The following PRKG1 variants were observed in gnomAD, a reference collection of about 807,000 sequenced individuals.
The protein encoded by PRKG1 is protein kinase cGMP-dependent 1.
In PRKG1, 35 loss-of-function variants were observed where a neutral mutation model predicts 88.1. The ratio of observed to expected loss-of-function variants is 0.40; its 90% CI spans 0.30 to 0.53. The LOEUF (loss-of-function observed/expected upper bound fraction) is 0.53. Among genes scored for constraint, PRKG1 ranks in the 20% least tolerant of loss-of-function variants. PRKG1 has a pLI of 0.59. For missense variants in PRKG1, 540 were observed against 839.8 expected (o/e 0.64, Z 4.41); for synonymous variants, 303 against 292.5 (o/e 1.04, Z -0.37).
chr10:51,607,159 C>CG (rs1381354516), intron 3 of PRKG1, among the ~76,000 whole-genome samples: 1 of 152,202 alleles, frequency 6.6e-6, no homozygotes, highest in Non-Finnish European at 1.5e-5. Context: ...AGTAGACTCT[C>CG]ACTGAGAGGC....
intron 9 of PRKG1, among the ~76,000 whole-genome samples, chr10:52,218,068 T>C (rs1840154896): frequency 6.6e-6 from 1 of 151,660 alleles, no homozygotes; most frequent in Non-Finnish European, 1.5e-5. Context: ...AAAAATTAGC[T>C]GGGCGTGGTG....
rs71032621 is a variant in PRKG1 at position 52,068,202 on chromosome 10, C to CAAAAAA, written c.935+5591_935+5596dup. ...TGGGCGACAGAGCGAAACTCCGTCT[C>CAAAAAA]AAAAAAAAAAAAAAAAAAAAAAAAA... On this transcript the variant is annotated intron_variant, in intron 7 of 17. Transcript: ENST00000373980. 1.5e-3 allele frequency among the ~76,000 whole-genome samples: 60 copies of CAAAAAA among 38,836 alleles called. 1 individual carries two copies. Among genetic ancestry groups the CAAAAAA allele is most frequent in the East Asian group, 2.4e-3 (2 of 846 alleles). 25.5% of individuals were successfully genotyped at this position (38,836 alleles called of 152,430 possible). A position where few individuals can be genotyped will look rare whatever the true frequency, so the allele number is the denominator to read the frequency against.
chr10:51,817,350 C>G (rs1420572366), intron 4 of PRKG1, among the ~76,000 whole-genome samples: 1 of 129,502 alleles, frequency 7.7e-6, no homozygotes, highest in African/African-American at 3.4e-5. Context: ...CTCCCCAACC[C>G]CCCCCCTCCC....
chr10:51,073,541 C>T (rs76800273), upstream of PRKG1, among the ~76,000 whole-genome samples: 2,239 of 152,230 alleles, frequency 0.015, 58 homozygotes, highest in African/African-American at 0.051. Flanking sequence ...AGAACTATTC[C>T]CAGGCACCAG....
At chr10:51,861,344 T>C (rs4935286) in intron 4 of PRKG1, among the ~76,000 whole-genome samples, 7,806 of 152,302 alleles carry the variant, frequency 0.051, 256 homozygotes, top group Admixed American at 0.11. Flanking sequence ...GTTATAAAAT[T>C]TAATTGCTTG....
At chr10:51,152,932 C>T (rs1012016143) in intron 1 of PRKG1, among the ~76,000 whole-genome samples, 69 of 144,144 alleles carry the variant, frequency 4.8e-4, no homozygotes, top group African/African-American at 1.7e-3. Flanking sequence ...TGGTAGGTCA[C>T]TTATTCATTA....
intron 2 of PRKG1, among the ~76,000 whole-genome samples, chr10:51,296,547 T>G (rs751665846): frequency 1.3e-5 from 2 of 152,060 alleles, no homozygotes; most frequent in Non-Finnish European, 2.9e-5. Context: ...ATTTCTGATT[T>G]TATTTATTTG....
At chr10:51,890,455 T>C (rs1841691191) in intron 4 of PRKG1, among the ~76,000 whole-genome samples, 1 of 152,206 alleles carries the variant, frequency 6.6e-6, no homozygotes, top group South Asian at 2.1e-4. Flanking sequence ...AGATATTCAT[T>C]CAGTTAGCCA....
At chr10:51,775,864 G>T (rs760949972) in intron 3 of PRKG1, among the ~76,000 whole-genome samples, 1 of 152,052 alleles carries the variant, frequency 6.6e-6, no homozygotes, top group Admixed American at 6.6e-5. Flanking sequence ...GATTACAGGC[G>T]TGAGCCACTG....
chr10:51,106,236 T>A (rs928521318), intron 1 of PRKG1, among the ~76,000 whole-genome samples: 9 of 152,190 alleles, frequency 5.9e-5, no homozygotes, highest in African/African-American at 1.7e-4. Context: ...TGCCATCAAA[T>A]TAGCAAATTC....
chr10:51,674,924 G>A (rs1840673396), intron 3 of PRKG1, among the ~76,000 whole-genome samples: 1 of 152,028 alleles, frequency 6.6e-6, no homozygotes, highest in South Asian at 2.1e-4. Flanking sequence ...GAGGAGGGAA[G>A]GGATCTTAGC....
In PRKG1 at chr10:51,979,668, G is replaced by A. The variant is rs539571869; in HGVS notation, c.762+72098G>A. On this transcript the variant is annotated intron_variant, in intron 5 of 17. Coordinates refer to ENST00000373980, the MANE Select transcript of PRKG1 (RefSeq NM_006258.4). ...GGCCATTTATTACTGCTTCAATTTT[G>A]GAGTTCATTATTGGTCTGATCAGGG... 2.4e-5 allele frequency among the ~76,000 whole-genome samples: 3 copies of A among 127,596 alleles called. No individual in the cohort carries two copies. The East Asian group carries it at 6.8e-4, about 29-fold the overall frequency. The allele number at this position is 127,596 out of a possible 152,430, so 83.7% of individuals were successfully genotyped here.
intron 2 of PRKG1, among the ~76,000 whole-genome samples, chr10:51,461,944 G>A (rs1839757386): frequency 6.6e-6 from 1 of 152,140 alleles, no homozygotes; most frequent in Non-Finnish European, 1.5e-5. Context: ...TGATATAATA[G>A]TATGCCTAAT....
chr10:52,178,040 G>T (rs1351810185), intron 9 of PRKG1, among the ~76,000 whole-genome samples: 10 of 150,816 alleles, frequency 6.6e-5, no homozygotes, highest in African/African-American at 2.4e-4. Context: ...TACTAATTTG[G>T]GGTTTGGTTT....
intron 2 of PRKG1, among the ~76,000 whole-genome samples, chr10:51,459,826 T>G (rs1839699130): frequency 6.6e-6 from 1 of 152,148 alleles, no homozygotes; most frequent in African/African-American, 2.4e-5. Context: ...CTGTGGAAAA[T>G]TATTCAGTAA....
chr10:51,628,006 CTCTCTTTCTT>C lies in PRKG1; in HGVS notation c.592+160174_592+160183del, dbSNP rs1432943957. Among the ~76,000 whole-genome samples the C allele has an allele frequency of 4.5e-3, 234 of 51,596 alleles. 1 individual carries two copies. Among genetic ancestry groups the C allele is most frequent in the Middle Eastern group, 0.031 (3 of 98 alleles). 33.8% of individuals were successfully genotyped at this position (51,596 alleles called of 152,430 possible). On this transcript the variant is annotated intron_variant, in intron 3 of 17. Transcript: ENST00000373980. Reference sequence around the variant, plus strand: ...TTTCTTTCTTTCTCTCTCTCTCTCTCTCTCTTTCTTTCTTTCTTTCTTTCTTTCTTTCCTT... The same window carrying C: ...TTTCTTTCTTTCTCTCTCTCTCTCTCTCTTTCTTTCTTTCTTTCTTTCCTT...
At chr10:51,345,199 C>T (rs116438978) in intron 2 of PRKG1, among the ~76,000 whole-genome samples, 3,358 of 152,136 alleles carry the variant, frequency 0.022, 37 homozygotes, top group Middle Eastern at 0.058. Context: ...CTATTTTAAA[C>T]GTTGCTTCTA....
chr10:51,729,462 A>G (rs1356773011), intron 3 of PRKG1, among the ~76,000 whole-genome samples: 1 of 152,018 alleles, frequency 6.6e-6, no homozygotes, highest in Admixed American at 6.6e-5. Context: ...GCTCACACCT[A>G]TAATCCCAGC....
At chr10:51,978,520 GA>G (rs1843909607) in intron 5 of PRKG1, among the ~76,000 whole-genome samples, 1 of 150,754 alleles carries the variant, frequency 6.6e-6, no homozygotes, top group Non-Finnish European at 1.5e-5. Flanking sequence ...AGTTTGATAG[GA>G]ATAGCATTGA....
Sources: gnomAD v4.1 joint callset for allele counts (sites outside exome capture counted in the v4.1 genomes callset) on GRCh38, gnomAD v4.1.1 for gene constraint, MANE v1.5 for transcripts, NCBI Gene and HGNC (gene_info 2026-07-23, HGNC 2026-07-21) for gene names.